SDSL: variants seen among roughly 807,000 people sequenced by gnomAD.
SDSL encodes the protein serine dehydratase like.
SDSL carries 26 observed loss-of-function variants against 27.6 expected under a neutral mutation model. The observed-to-expected ratio is 0.94, with a 90% CI of 0.69 to 1.31. SDSL has a LOEUF of 1.31. SDSL is among the 50% of genes most tolerant of loss of function. The pLI is 0.00. For missense variants in SDSL, 431 were observed against 423.5 expected, an observed-to-expected ratio of 1.02 and a Z score of -0.16; for synonymous variants, 196 against 180.6, an observed-to-expected ratio of 1.09 and a Z score of -0.69.
intron 3 of SDSL, 28 bp from the exon 4 acceptor site, chr12:113,429,132 C>T (rs201988197): frequency 2.5e-6 from 4 of 1,600,846 alleles, no homozygotes; most frequent in East Asian, 4.5e-5. Flanking sequence ...CAGCTCTGCC[C>T]ACTGCCCCTT....
At chr12:113,436,905 C>T (rs1365067822) in intron 7 of SDSL, 30 bp downstream of exon 7, 1 of 1,527,388 alleles carries the variant, frequency 6.5e-7, no homozygotes, top group East Asian at 2.4e-5. Flanking sequence ...CACCTGGGCT[C>T]AGAGACCCAC....
intron 1 of SDSL, chr12:113,426,220 G>A: frequency 2.2e-6 from 1 of 455,818 alleles, no homozygotes; most frequent in Non-Finnish European, 4.4e-6. Flanking sequence ...AGGTGGTCCT[G>A]GCTGCTGTTC....
rs372875210 is a variant in SDSL, at chr12:113,438,074, G to A, written c.985G>A (p.Val329Ile). The change falls in exon 8 of 8, where the codon GTC becomes ATC. Residue 329 changes from valine (V) to isoleucine (I), a missense_variant. Physicochemically the swap from Val to Ile is conservative, Grantham distance 29. Coordinates refer to ENST00000403593, the MANE Select transcript of SDSL (RefSeq NM_001304993.2). ...LQALKTHLGQ[V>I] Reference sequence around the variant, plus strand: ...GGCTTTGAAAACCCACCTGGGCCAGGTCTGAGGGGTCCCATCCTGGCCCCA... The same window carrying A: ...GGCTTTGAAAACCCACCTGGGCCAGATCTGAGGGGTCCCATCCTGGCCCCA... 2.5e-6 allele frequency: 4 copies of A among 1,613,118 alleles called. No individual in the cohort carries two copies. In the African/African-American group the frequency reaches 5.3e-5, roughly 22 times the overall value.
intron 4 of SDSL, among the ~76,000 whole-genome samples, chr12:113,430,403 C>T (rs1177213777): frequency 6.6e-6 from 1 of 152,170 alleles, no homozygotes; most frequent in Non-Finnish European, 1.5e-5. Context: ...GCATAACAAA[C>T]AGCCCCCAAA....
chr12:113,433,426 T>A (rs1255571682), intron 4 of SDSL, among the ~76,000 whole-genome samples: 4 of 152,198 alleles, frequency 2.6e-5, no homozygotes, highest in Non-Finnish European at 5.9e-5. Context: ...TCTGAAATGC[T>A]GTCTTAGTTT....
intron 4 of SDSL, among the ~76,000 whole-genome samples, chr12:113,432,212 CTTT>C (rs1957931069): frequency 9.8e-4 from 1 of 1,022 alleles, no homozygotes; most frequent in Non-Finnish European, 2.4e-3. Context: ...TTGTTTGCTT[CTTT>C]CTTTCTTTCT....
intron 4 of SDSL, among the ~76,000 whole-genome samples, chr12:113,431,977 G>T (rs1365880940): frequency 6.7e-6 from 1 of 148,268 alleles, no homozygotes; most frequent in African/African-American, 2.5e-5. Flanking sequence ...GGATGGTCTC[G>T]AACTCCTGAC....
intron 4 of SDSL, among the ~76,000 whole-genome samples, chr12:113,433,451 G>A (rs1957957456): frequency 6.6e-6 from 1 of 152,202 alleles, no homozygotes; most frequent in South Asian, 2.1e-4. Context: ...TCTCCCAAAA[G>A]CGGTCCCTGA....
intron 4 of SDSL, 76 bp downstream of exon 4, chr12:113,429,375 G>C: frequency 6.8e-7 from 1 of 1,481,062 alleles, no homozygotes; most frequent in Non-Finnish European, 9.3e-7. Context: ...AAGACATCCT[G>C]TCTCCTTTTC....
intron 4 of SDSL, among the ~76,000 whole-genome samples, chr12:113,430,109 C>G (rs1022098733): frequency 4.6e-5 from 7 of 151,666 alleles, no homozygotes; most frequent in African/African-American, 1.5e-4. Flanking sequence ...TCTCCTCTCT[C>G]CCTTCTTTCC....
chr12:113,437,883 C>T lies in SDSL; in HGVS notation c.797-3C>T. On this transcript the variant is annotated splice_polypyrimidine_tract_variant and splice_region_variant and intron_variant, in intron 7 of 7. Transcript: ENST00000403593. ...TCCTCTCTCCATCCCCCGATCCTGG[C>T]AGATGATGAGCGTATGCTGGTGGAG... The T allele has an allele frequency of 6.3e-7, 1 of 1,590,518 alleles. No individual in the cohort carries two copies. The highest frequency in any genetic ancestry group is 8.6e-7 in the Non-Finnish European group (1 of 1,168,352).
At chr12:113,437,690 G>A (rs1308107198) in intron 7 of SDSL, among the ~76,000 whole-genome samples, 196 bp from the exon 8 acceptor site, 2 of 152,186 alleles carry the variant, frequency 1.3e-5, no homozygotes, top group Non-Finnish European at 2.9e-5. Context: ...AGAGATAAAA[G>A]GTGGATGGTG....
intron 1 of SDSL, chr12:113,426,103 C>A (rs950897321): frequency 1.1e-5 from 5 of 447,518 alleles, no homozygotes; most frequent in Non-Finnish European, 2.3e-5. Flanking sequence ...CGGGAACCCC[C>A]TGCTGGCACC....
intron 1 of SDSL, among the ~76,000 whole-genome samples, chr12:113,427,741 A>C (rs71443031): frequency 0.091 from 13,804 of 152,220 alleles, 1,148 homozygotes; most frequent in African/African-American, 0.22. Context: ...CAGCACAGCC[A>C]CACTTATGGA....
intron 7 of SDSL, 49 bp from the exon 8 acceptor site, chr12:113,437,837 G>A (rs1426847711): frequency 6.6e-7 from 1 of 1,520,118 alleles, no homozygotes; most frequent in Admixed American, 2.0e-5. Context: ...TGAGCACCGA[G>A]TGGTTCTTCT....
intron 1 of SDSL, chr12:113,426,136 C>A: frequency 2.2e-6 from 1 of 455,742 alleles, no homozygotes; most frequent in South Asian, 1.6e-5. Flanking sequence ...TCCGCCCTCA[C>A]CCCCTACCCT....
At chr12:113,426,113 C>T (rs1278896864) in intron 1 of SDSL, 1 of 453,138 alleles carries the variant, frequency 2.2e-6, no homozygotes, top group African/African-American at 2.0e-5. Context: ...CTGCTGGCAC[C>T]CTTGTCCACA....
chr12:113,433,018 T>C (rs1957953452), intron 4 of SDSL, among the ~76,000 whole-genome samples: 2 of 152,232 alleles, frequency 1.3e-5, no homozygotes, highest in Non-Finnish European at 2.9e-5. Context: ...TTATTTTCCT[T>C]TGGGTAGATA....
intron 1 of SDSL, among the ~76,000 whole-genome samples, chr12:113,423,792 G>C (rs1957817628): frequency 6.6e-6 from 1 of 152,044 alleles, no homozygotes; most frequent in Non-Finnish European, 1.5e-5. Context: ...GGAGTAGGGG[G>C]AGTTCATCCT....
Sources: gnomAD v4.1 joint callset for allele counts (sites outside exome capture counted in the v4.1 genomes callset) on GRCh38, gnomAD v4.1.1 for gene constraint, MANE v1.5 for transcripts, NCBI Gene and HGNC (gene_info 2026-07-23, HGNC 2026-07-21) for gene names.